Variants in TMEM267 observed in about 807,000 individuals in gnomAD.
The protein encoded by TMEM267 is transmembrane protein C5orf28.
Under a neutral mutation model 19.3 loss-of-function variants are expected in TMEM267, and 20 were observed. The ratio of observed to expected loss-of-function variants is 1.04; its 90% confidence interval spans 0.73 to 1.51. TMEM267 has a LOEUF of 1.51. Ranked by LOEUF, TMEM267 falls within the 40% of genes most tolerant of loss-of-function variation. The pLI is 0.00. For synonymous variants in TMEM267, 88 were observed against 90.3 expected, an observed-to-expected ratio of 0.97 and a Z score of 0.15; for missense variants, 242 against 261.9, an observed-to-expected ratio of 0.92 and a Z score of 0.52.
At chr5:43,448,907 G>A (rs764453423) in intron 2 of TMEM267, among the ~76,000 whole-genome samples, 8 of 150,124 alleles carry the variant, frequency 5.3e-5, no homozygotes, top group Non-Finnish European at 1.0e-4. Flanking sequence ...TCCAAAGTAC[G>A]TTAAATCTCA....
intron 1 of TMEM267, among the ~76,000 whole-genome samples, chr5:43,472,605 C>A (rs1009380823): frequency 6.6e-6 from 1 of 152,110 alleles, no homozygotes; most frequent in Non-Finnish European, 1.5e-5. Flanking sequence ...GACTACTATT[C>A]AGCCATAAGA....
intron 1 of TMEM267, among the ~76,000 whole-genome samples, chr5:43,455,414 C>T (rs1427415707): frequency 1.3e-5 from 2 of 150,874 alleles, no homozygotes. Context: ...CACAGAGACC[C>T]TGTCTTAAAA....
At chr5:43,472,029 G>A (rs1744110596) in intron 1 of TMEM267, among the ~76,000 whole-genome samples, 1 of 152,060 alleles carries the variant, frequency 6.6e-6, no homozygotes, top group Non-Finnish European at 1.5e-5. Context: ...AAAAATATTT[G>A]CAAATTACCC....
At chr5:43,470,017 T>C (rs907502382) in intron 1 of TMEM267, among the ~76,000 whole-genome samples, 1 of 152,256 alleles carries the variant, frequency 6.6e-6, no homozygotes, top group African/African-American at 2.4e-5. Context: ...TAAAATTGTG[T>C]ATTCATTAAA....
chr5:43,457,979 A>T (rs1743049069), intron 1 of TMEM267, among the ~76,000 whole-genome samples: 1 of 151,942 alleles, frequency 6.6e-6, no homozygotes, highest in Non-Finnish European at 1.5e-5. Flanking sequence ...GCTCACTGCA[A>T]CCTTGACTTC....
chr5:43,448,729 T>C (rs1049043051), intron 2 of TMEM267, among the ~76,000 whole-genome samples: 6 of 151,596 alleles, frequency 4.0e-5, no homozygotes, highest in Admixed American at 6.6e-5. Context: ...TGAGCTGAGA[T>C]CATACCGTTG....
rs147844019 is a variant in TMEM267, at chr5:43,469,679, G to A, written c.-75+14143C>T. 4.8e-3 allele frequency among the ~76,000 whole-genome samples: 738 copies of A among 152,222 alleles called. 9 individuals carry two copies. The highest frequency in any genetic ancestry group is 0.017 in the African/African-American group (700 of 41,526). On this transcript the variant is annotated intron_variant, in intron 1 of 2. Transcript: ENST00000397080. ...ATACTGTGAAAGGAAAATAAATCTC[G>A]GGACCCTGAAATCACTAAATCAAGA...
At chr5:43,474,716 G>A (rs540139055) in intron 1 of TMEM267, among the ~76,000 whole-genome samples, 87 of 141,812 alleles carry the variant, frequency 6.1e-4, no homozygotes, top group Admixed American at 3.1e-3. Flanking sequence ...CCAAGATCAC[G>A]CCATTGCACT....
chr5:43,467,611 A>G (rs1217733435), intron 1 of TMEM267, among the ~76,000 whole-genome samples: 1 of 152,188 alleles, frequency 6.6e-6, no homozygotes, highest in Non-Finnish European at 1.5e-5. Flanking sequence ...AAAGAGAGAG[A>G]TAGGCCCCAA....
intron 1 of TMEM267, among the ~76,000 whole-genome samples, chr5:43,466,874 T>C (rs1218293288): frequency 6.6e-6 from 1 of 151,988 alleles, no homozygotes; most frequent in Non-Finnish European, 1.5e-5. Context: ...AGAGGCCAGA[T>C]GCAGTGGCTC....
intron 1 of TMEM267, chr5:43,454,316 G>A (rs552553380): frequency 1.7e-4 from 33 of 196,742 alleles, no homozygotes; most frequent in African/African-American, 8.0e-4. Flanking sequence ...TCATCAAATA[G>A]ATCTATCTCC....
At chr5:43,469,331 C>A (rs1339423901) in intron 1 of TMEM267, among the ~76,000 whole-genome samples, 1 of 152,116 alleles carries the variant, frequency 6.6e-6, no homozygotes, top group Non-Finnish European at 1.5e-5. Flanking sequence ...AGGCCAATAT[C>A]TCTGATGAAT....
At chr5:43,469,526 T>C (rs1579818746) in intron 1 of TMEM267, among the ~76,000 whole-genome samples, 1 of 152,202 alleles carries the variant, frequency 6.6e-6, no homozygotes, top group Non-Finnish European at 1.5e-5. Flanking sequence ...ATCATTTCAA[T>C]TGATGCTGAA....
intron 1 of TMEM267, among the ~76,000 whole-genome samples, chr5:43,480,593 G>A (rs978396410): frequency 2.0e-5 from 3 of 151,644 alleles, no homozygotes; most frequent in Admixed American, 6.6e-5. Flanking sequence ...AAAGCACTGG[G>A]ATTACAGGAG....
At chr5:43,463,412 A>G (rs1387990543) in intron 1 of TMEM267, among the ~76,000 whole-genome samples, 1 of 152,202 alleles carries the variant, frequency 6.6e-6, no homozygotes, top group Non-Finnish European at 1.5e-5. Flanking sequence ...CAATAGAAAA[A>G]GAGGGAATCC....
chr5:43,446,186 T>C lies in TMEM267; in HGVS notation c.*36A>G. ...TGTTGGCTACTCTTAATTATCATCA[T>C]CTGAGCCATTTGCTTCTCTAAGACT... On this transcript the variant is annotated 3_prime_UTR_variant, in exon 3 of 3. Transcript: ENST00000397080. 7.6e-7 allele frequency: 1 copy of C among 1,311,736 alleles called. No individual in the cohort carries two copies. The highest frequency in any genetic ancestry group is 1.1e-6 in the Non-Finnish European group (1 of 924,578). The allele number at this position is 1,311,736 out of a possible 1,614,324, so 81.3% of individuals were successfully genotyped here. A position where few individuals can be genotyped will look rare whatever the true frequency, so the allele number is the denominator to read the frequency against.
intron 2 of TMEM267, among the ~76,000 whole-genome samples, chr5:43,446,933 C>A (rs1742277659): frequency 6.6e-6 from 1 of 151,794 alleles, no homozygotes; most frequent in African/African-American, 2.4e-5. Context: ...TATCTCACAA[C>A]CAAATAAAAT....
At chr5:43,474,307 T>C (rs972864287) in intron 1 of TMEM267, among the ~76,000 whole-genome samples, 2 of 152,156 alleles carry the variant, frequency 1.3e-5, no homozygotes, top group African/African-American at 2.4e-5. Context: ...GAAACGATCA[T>C]CAGAGCGAAC....
chr5:43,463,605 C>G (rs959958948), intron 1 of TMEM267, among the ~76,000 whole-genome samples: 1 of 152,160 alleles, frequency 6.6e-6, no homozygotes, highest in African/African-American at 2.4e-5. Context: ...TCCAGCCCAC[C>G]ATGATCAAGT....
Sources: allele counts gnomAD v4.1 joint callset (sites outside exome capture counted in the v4.1 genomes callset), GRCh38; gene constraint gnomAD v4.1.1; transcripts MANE v1.5; gene names NCBI Gene and HGNC (gene_info 2026-07-23, HGNC 2026-07-21).